The following AUTS2 variants were observed in gnomAD, a reference collection of about 807,000 sequenced individuals.
AUTS2 encodes the protein activator of transcription and developmental regulator AUTS2.
A neutral mutation model predicts 112.4 loss-of-function variants in AUTS2; 17 were observed. The observed-to-expected ratio is 0.15, with a 90% CI of 0.10 to 0.23. AUTS2 has a LOEUF of 0.23. AUTS2 is among the 10% of genes least tolerant of loss of function. The probability of loss-of-function intolerance (pLI) is 1.00; values close to 1 mark genes in which losing one functional copy is unlikely to be tolerated. For missense variants in AUTS2, 1,510 were observed against 1,701.6 expected, an observed-to-expected ratio of 0.89 and a Z score of 1.98; for synonymous variants, 751 against 702.7, an observed-to-expected ratio of 1.07 and a Z score of -1.09.
At chr7:69,776,113 T>G (rs62457238) in intron 1 of AUTS2, among the ~76,000 whole-genome samples, 3 of 152,218 alleles carry the variant, frequency 2.0e-5, no homozygotes, top group Admixed American at 2.0e-4. Flanking sequence ...CGTCATCATA[T>G]GACTAATGTC....
intron 2 of AUTS2, among the ~76,000 whole-genome samples, chr7:69,953,895 G>A (rs954427705): frequency 7.2e-5 from 11 of 151,990 alleles, no homozygotes; most frequent in Non-Finnish European, 1.3e-4. Flanking sequence ...TCAAGGGCTG[G>A]CCTTCCCCTG....
intron 5 of AUTS2, among the ~76,000 whole-genome samples, chr7:70,514,624 C>A (rs951933789): frequency 7.2e-5 from 11 of 152,228 alleles, no homozygotes; most frequent in African/African-American, 2.7e-4. Flanking sequence ...GCCTCCAACA[C>A]TGGGGATCAC....
chr7:70,101,701 A>G (rs1804505093), intron 2 of AUTS2, among the ~76,000 whole-genome samples: 1 of 152,184 alleles, frequency 6.6e-6, no homozygotes, highest in South Asian at 2.1e-4. Context: ...CTCAAAAAAC[A>G]AAAAACAAAA....
chr7:70,402,749 C>G (rs1005772289), intron 4 of AUTS2, among the ~76,000 whole-genome samples: 1 of 152,116 alleles, frequency 6.6e-6, no homozygotes, highest in Non-Finnish European at 1.5e-5. Flanking sequence ...TTGTAAAGGG[C>G]AGAAAATCAT....
At position 70,549,545 on chromosome 7, in the gene AUTS2, A is replaced by G. The variant is rs57799917; in HGVS notation, c.690+113764A>G. On this transcript the variant is annotated intron_variant, in intron 5 of 18. Transcript: ENST00000342771. The stretch of plus-strand genomic sequence containing the variant: ...CAAGGAAGTAAAAATACCACTCTAC[A>G]GCCAGACATGGTGGCTCTCACCTGT... 9.8e-3 allele frequency among the ~76,000 whole-genome samples: 1,492 copies of G among 152,346 alleles called. 27 individuals carry two copies. The highest frequency in any genetic ancestry group is 0.034 in the African/African-American group (1,418 of 41,590).
chr7:70,712,461 G>C (rs926372910), intron 6 of AUTS2, among the ~76,000 whole-genome samples: 1 of 151,994 alleles, frequency 6.6e-6, no homozygotes. Context: ...AAAAGGAATG[G>C]GTTAGATGAA....
chr7:70,257,577 CA>C (rs980420919), intron 4 of AUTS2, among the ~76,000 whole-genome samples: 3 of 151,200 alleles, frequency 2.0e-5, no homozygotes, highest in African/African-American at 7.3e-5. Context: ...CTCGACCTGC[CA>C]AAGTGCTGGG....
At chr7:70,295,996 C>CAA (rs34241023) in intron 4 of AUTS2, among the ~76,000 whole-genome samples, 23 of 147,638 alleles carry the variant, frequency 1.6e-4, no homozygotes, top group African/African-American at 4.5e-4. Flanking sequence ...CTGGGAATAC[C>CAA]AAAAAAAAAA....
intron 4 of AUTS2, among the ~76,000 whole-genome samples, chr7:70,239,805 A>G (rs1217951313): frequency 2.0e-5 from 3 of 152,208 alleles, no homozygotes; most frequent in Non-Finnish European, 4.4e-5. Flanking sequence ...AATTCTTGAA[A>G]AATTAATTGC....
chr7:69,655,655 T>G (rs1230279198), intron 1 of AUTS2, among the ~76,000 whole-genome samples: 1 of 152,176 alleles, frequency 6.6e-6, no homozygotes, highest in Non-Finnish European at 1.5e-5. Flanking sequence ...GAGTCCCCTC[T>G]TGGCCCCACC....
chr7:70,704,093 T>C, intron 6 of AUTS2, among the ~76,000 whole-genome samples: 1 of 152,214 alleles, frequency 6.6e-6, no homozygotes, highest in East Asian at 1.9e-4. Flanking sequence ...GTACTGTTAG[T>C]GTGAAACCAC....
chr7:69,676,801 C>T (rs538381459), intron 1 of AUTS2, among the ~76,000 whole-genome samples: 1 of 141,256 alleles, frequency 7.1e-6, no homozygotes, highest in East Asian at 2.1e-4. Flanking sequence ...ATTCCTGAAA[C>T]TCTGGTTTTT....
intron 1 of AUTS2, among the ~76,000 whole-genome samples, chr7:69,615,998 A>G (rs1375485867): frequency 6.6e-6 from 1 of 152,208 alleles, no homozygotes; most frequent in Non-Finnish European, 1.5e-5. Flanking sequence ...GCTAGACTGG[A>G]TGATAGAGAT....
At chr7:70,769,576 TC>T (rs765686578) in intron 10 of AUTS2, among the ~76,000 whole-genome samples, 2 of 152,128 alleles carry the variant, frequency 1.3e-5, no homozygotes, top group Non-Finnish European at 2.9e-5. Context: ...TCCCAGCTAC[TC>T]GGGAGGCTGA....
chr7:70,489,545 A>G (rs939908031), intron 5 of AUTS2, among the ~76,000 whole-genome samples: 8 of 152,242 alleles, frequency 5.3e-5, no homozygotes, highest in Non-Finnish European at 1.2e-4. Context: ...TGCTGTGCCC[A>G]AGTTCCCACT....
chr7:69,716,023 T>C (rs996346043), intron 1 of AUTS2, among the ~76,000 whole-genome samples: 8 of 152,186 alleles, frequency 5.3e-5, no homozygotes, highest in Non-Finnish European at 1.0e-4. Flanking sequence ...AAAGAGCATG[T>C]CTATTAAGAA....
intron 5 of AUTS2, among the ~76,000 whole-genome samples, chr7:70,464,717 G>A (rs573001526): frequency 3.9e-5 from 6 of 152,176 alleles, no homozygotes; most frequent in South Asian, 2.1e-4. Context: ...TAATCAGCAC[G>A]GTTTTGTGGA....
chr7:70,590,840 G>A (rs7796916), intron 5 of AUTS2, among the ~76,000 whole-genome samples: 34,456 of 152,006 alleles, frequency 0.23, 4,231 homozygotes, highest in Middle Eastern at 0.31. Flanking sequence ...GGCCTTTTTC[G>A]TGTTGTTTTC....
chr7:70,403,246 T>C (rs1157552136), intron 4 of AUTS2, among the ~76,000 whole-genome samples: 1 of 152,188 alleles, frequency 6.6e-6, no homozygotes, highest in East Asian at 1.9e-4. Context: ...TGTGAGTCTT[T>C]CCAAAGCATG....
Sources: gnomAD v4.1 joint callset for allele counts (sites outside exome capture counted in the v4.1 genomes callset) on GRCh38, gnomAD v4.1.1 for gene constraint, MANE v1.5 for transcripts, NCBI Gene and HGNC (gene_info 2026-07-23, HGNC 2026-07-21) for gene names.